The following PLEKHA6 variants were observed in gnomAD, a reference collection of about 807,000 sequenced individuals.
The protein encoded by PLEKHA6 is pleckstrin homology domain containing A6, also known as pleckstrin homology domain-containing family A member 6.
PLEKHA6 carries 60 observed loss-of-function variants against 116.7 expected under a neutral mutation model. The ratio of observed to expected loss-of-function variants is 0.51; its 90% CI spans 0.42 to 0.64. The LOEUF (loss-of-function observed/expected upper bound fraction) is 0.64. Ranked by LOEUF, PLEKHA6 falls within the 30% of genes least tolerant of loss-of-function variation. The pLI, the probability that PLEKHA6 is intolerant of heterozygous loss-of-function variation, is 0.00. For missense variants in PLEKHA6, 1,338 were observed against 1,422.7 expected, an observed-to-expected ratio of 0.94 and a Z score of 0.96; for synonymous variants, 489 against 556.1, an observed-to-expected ratio of 0.88 and a Z score of 1.70.
intron 3 of PLEKHA6, among the ~76,000 whole-genome samples, chr1:204,365,669 A>G (rs1465333202): frequency 1.3e-5 from 2 of 152,212 alleles, no homozygotes; most frequent in African/African-American, 4.8e-5. Flanking sequence ...CCCAATGTTT[A>G]TCATGCATGC....
At chr1:204,359,563 A>G in intron 1 of PLEKHA6, 131 bp downstream of exon 1, 1 of 975,080 alleles carries the variant, frequency 1.0e-6, no homozygotes, top group Non-Finnish European at 1.2e-6. Context: ...CAAGGATGAG[A>G]GATGGGGAAG....
chr1:204,317,805 T>C (rs1671915884), intron 1 of PLEKHA6, among the ~76,000 whole-genome samples: 1 of 152,242 alleles, frequency 6.6e-6, no homozygotes, highest in Non-Finnish European at 1.5e-5. Context: ...TTTGGGATAC[T>C]TTTGTTAAAA....
intron 3 of PLEKHA6, among the ~76,000 whole-genome samples, chr1:204,367,176 C>T (rs1360898827): frequency 6.6e-6 from 1 of 152,146 alleles, no homozygotes; most frequent in East Asian, 1.9e-4. Context: ...CTGTCTTCTG[C>T]TTCCAAGATT....
At chr1:204,276,799 C>T (rs1281307858) in intron 1 of PLEKHA6, among the ~76,000 whole-genome samples, 1 of 152,100 alleles carries the variant, frequency 6.6e-6, no homozygotes, top group African/African-American at 2.4e-5. Flanking sequence ...TCATTCTATC[C>T]CGGCACTACC....
chr1:204,242,811 T>C (rs1663021465), intron 15 of PLEKHA6, among the ~76,000 whole-genome samples: 2 of 152,190 alleles, frequency 1.3e-5, no homozygotes, highest in South Asian at 4.1e-4. Flanking sequence ...CTGGTCATGT[T>C]GGTAGGGAGT....
At chr1:204,360,212 C>T (rs1572231065), upstream of PLEKHA6, among the ~76,000 whole-genome samples, 1 of 151,882 alleles carries the variant, frequency 6.6e-6, no homozygotes, top group Non-Finnish European at 1.5e-5. Context: ...GAGTCCCCCA[C>T]AAGAGACTGC....
At chr1:204,360,132 C>T (rs1673526146), upstream of PLEKHA6, among the ~76,000 whole-genome samples, 1 of 152,256 alleles carries the variant, frequency 6.6e-6, no homozygotes, top group Non-Finnish European at 1.5e-5. Context: ...CCTCCTGGGC[C>T]TTCCACCACC....
At chr1:204,294,308 C>A (rs1670057894) in intron 1 of PLEKHA6, among the ~76,000 whole-genome samples, 1 of 152,170 alleles carries the variant, frequency 6.6e-6, no homozygotes, top group Non-Finnish European at 1.5e-5. Flanking sequence ...TTACCCTTCA[C>A]CCTCCCAGGA....
intron 1 of PLEKHA6, chr1:204,297,189 C>G (rs2103063428): frequency 2.0e-6 from 2 of 982,870 alleles, no homozygotes; most frequent in South Asian, 4.7e-5. Flanking sequence ...TCTCCTGGCT[C>G]TAACATTTGT....
chr1:204,349,484 T>C (rs1673200115), intron 1 of PLEKHA6, among the ~76,000 whole-genome samples: 1 of 142,022 alleles, frequency 7.0e-6, no homozygotes, highest in African/African-American at 2.6e-5. Flanking sequence ...GAGGTTGCAG[T>C]GAGCCAAGAT....
intron 21 of PLEKHA6, among the ~76,000 whole-genome samples, chr1:204,224,495 C>G (rs1394607368): frequency 6.6e-6 from 1 of 151,752 alleles, no homozygotes; most frequent in Non-Finnish European, 1.5e-5. Context: ...AGTCCCTCGT[C>G]CCCCACCCTA....
upstream of PLEKHA6, chr1:204,377,795 G>GCTGGCGGCGTCGCTCCCGGGTCC (rs1355161662): frequency 3.3e-5 from 2 of 60,236 alleles, no homozygotes; most frequent in East Asian, 2.9e-4. Flanking sequence ...GTCCGGCCGG[G>GCTGGCGGCGTCGCTCCCGGGTCC]CTGGCGGCGT....
chr1:204,354,768 T>C (rs1435977328), intron 1 of PLEKHA6, among the ~76,000 whole-genome samples: 2 of 152,234 alleles, frequency 1.3e-5, no homozygotes, highest in East Asian at 1.9e-4. Context: ...GTTTATCAGA[T>C]AAGCTTGCGC....
chr1:204,297,135 G>C (rs1670363695), intron 1 of PLEKHA6: 7 of 982,476 alleles, frequency 7.1e-6, no homozygotes, highest in Non-Finnish European at 8.5e-6. Flanking sequence ...GAATCAGATG[G>C]AGAAAGTCAC....
At position 204,252,139 on chromosome 1, in the gene PLEKHA6, A is replaced by C. The variant is rs908798309; in HGVS notation, c.1525-1525T>G. On this transcript the variant is annotated intron_variant, in intron 9 of 22. Coordinates refer to ENST00000272203, the MANE Select transcript of PLEKHA6 (RefSeq NM_014935.5). ...GGCTCTAGTGCAGAAAGTGCTAAAC[A>C]CGGTTTCCAGAGCTGGGCTGGCAGC... is the stretch of plus-strand genomic sequence containing the variant. 1.9e-4 allele frequency among the ~76,000 whole-genome samples: 28 copies of C among 146,638 alleles called. No homozygotes were observed. In the Admixed American group the frequency reaches 1.9e-3, roughly 10 times the overall value.
At chr1:204,237,053 C>A (rs1206146378) in intron 17 of PLEKHA6, among the ~76,000 whole-genome samples, 1 of 152,208 alleles carries the variant, frequency 6.6e-6, no homozygotes, top group Non-Finnish European at 1.5e-5. Context: ...TCAAGGACTA[C>A]TGGACACTGG....
At chr1:204,286,315 T>C (rs936271134) in intron 1 of PLEKHA6, among the ~76,000 whole-genome samples, 7 of 151,924 alleles carry the variant, frequency 4.6e-5, no homozygotes, top group African/African-American at 1.7e-4. Context: ...AGGGAGGCAG[T>C]CAGACAAGGG....
intron 1 of PLEKHA6, among the ~76,000 whole-genome samples, chr1:204,349,364 C>T (rs950549403): frequency 2.0e-5 from 3 of 152,036 alleles, no homozygotes; most frequent in African/African-American, 4.8e-5. Context: ...TATGGCGAAA[C>T]CCCGTCTCTA....
chr1:204,281,016 G>A, intron 1 of PLEKHA6: 1 of 984,328 alleles, frequency 1.0e-6, no homozygotes, highest in African/African-American at 1.7e-5. Context: ...AGGTGGGAAG[G>A]AACCCCTCCA....
Sources: allele counts gnomAD v4.1 joint callset (sites outside exome capture counted in the v4.1 genomes callset), GRCh38; gene constraint gnomAD v4.1.1; transcripts MANE v1.5; gene names NCBI Gene and HGNC (gene_info 2026-07-23, HGNC 2026-07-21).